The following GSN variants were observed in gnomAD, a reference collection of about 807,000 sequenced individuals.
GSN encodes the protein gelsolin.
In GSN, 56 loss-of-function variants were observed where a neutral mutation model predicts 85.7. The ratio of observed to expected loss-of-function variants is 0.65; its 90% CI spans 0.53 to 0.82. The LOEUF (loss-of-function observed/expected upper bound fraction) is 0.82, where lower values mean the gene tolerates loss of function less well. GSN is among the 40% of genes least tolerant of loss of function. The pLI, the probability that GSN is intolerant of heterozygous loss-of-function variation, is 0.00. For missense variants in GSN, 857 were observed against 979.8 expected (o/e 0.87, Z 1.67); for synonymous variants, 373 against 399.1 (o/e 0.93, Z 0.78).
intron 2 of GSN, among the ~76,000 whole-genome samples, chr9:121,286,984 G>T (rs1488913969): frequency 6.6e-6 from 1 of 152,144 alleles, no homozygotes; most frequent in Non-Finnish European, 1.5e-5. Flanking sequence ...GAGCATAGGA[G>T]GTGTTATTTG....
At chr9:121,278,694 C>T (rs2056966859) in intron 1 of GSN, among the ~76,000 whole-genome samples, 1 of 152,232 alleles carries the variant, frequency 6.6e-6, no homozygotes, top group Non-Finnish European at 1.5e-5. Context: ...CTCTTTATGG[C>T]TCCATCTGGA....
Position 121,329,182 on chromosome 9 carries a change from G to T in GSN, c.1888-56G>T, listed in dbSNP as rs2063606959. On this transcript the variant is annotated intron_variant, in intron 15 of 17. Transcript: ENST00000432226. The surrounding 1 kb of genome is among the most constrained non-coding windows in gnomAD (Gnocchi z 4.6). ...CCACTCCCTCAGGGGGCAGATAAAG[G>T]AAGGCCACCCAGGGGAGGGAAGACA... 2 of 1,497,248 alleles carry T rather than the reference G, an allele frequency of 1.3e-6. No homozygotes were observed. Among genetic ancestry groups the T allele is most frequent in the Non-Finnish European group, 1.9e-6 (2 of 1,074,544 alleles). The allele number at this position is 1,497,248 out of a possible 1,614,324, so 92.7% of individuals were successfully genotyped here.
upstream of GSN, among the ~76,000 whole-genome samples, chr9:121,266,829 A>G (rs1483358451): frequency 2.6e-5 from 4 of 152,156 alleles, no homozygotes; most frequent in Admixed American, 1.3e-4. Flanking sequence ...TGGTTCTTGT[A>G]TTTACTGGTG....
At chr9:121,292,659 TGG>T (rs2058805371) in intron 2 of GSN, among the ~76,000 whole-genome samples, 1 of 152,168 alleles carries the variant, frequency 6.6e-6, no homozygotes, top group African/African-American at 2.4e-5. Flanking sequence ...TCAAGTTCCC[TGG>T]TGGTAGGGAT....
chr9:121,247,010 A>G (rs1162883453), intron 5 of GSN, among the ~76,000 whole-genome samples: 2 of 152,154 alleles, frequency 1.3e-5, no homozygotes, highest in African/African-American at 2.4e-5. Flanking sequence ...TGGGAGGCAG[A>G]CAGAGCAATA....
At chr9:121,237,318 T>C (rs1683425942) in intron 5 of GSN, among the ~76,000 whole-genome samples, 1 of 152,134 alleles carries the variant, frequency 6.6e-6, no homozygotes, top group African/African-American at 2.4e-5. Context: ...TCACAACACT[T>C]TGGGAGGCCG....
intron 4 of GSN, among the ~76,000 whole-genome samples, chr9:121,304,127 C>T (rs1055790579): frequency 2.6e-5 from 4 of 152,248 alleles, no homozygotes; most frequent in African/African-American, 9.6e-5. Context: ...CTGTTCCTCT[C>T]TGGACCTCAG....
At chr9:121,215,219 C>A (rs1341431390) in intron 4 of GSN, among the ~76,000 whole-genome samples, 1 of 149,606 alleles carries the variant, frequency 6.7e-6, no homozygotes, top group South Asian at 2.2e-4. Flanking sequence ...TTAAGGACCC[C>A]CCCCCCCACA....
intron 4 of GSN, among the ~76,000 whole-genome samples, chr9:121,224,741 G>GAAAAAA (rs11374663): frequency 7.9e-5 from 9 of 114,338 alleles, no homozygotes; most frequent in Non-Finnish European, 1.4e-4. Context: ...TAGGCTACCT[G>GAAAAAA]AAAAAAAAAA....
chr9:121,224,741 G>GAAAA, intron 4 of GSN, among the ~76,000 whole-genome samples: 1 of 114,368 alleles, frequency 8.7e-6, no homozygotes, highest in African/African-American at 3.3e-5. Context: ...TAGGCTACCT[G>GAAAA]AAAAAAAAAA....
chr9:121,331,870 A>G (rs535446455), intron 17 of GSN: 10 of 192,882 alleles, frequency 5.2e-5, no homozygotes, highest in African/African-American at 2.3e-4. Flanking sequence ...CCCGGGCAAC[A>G]TAGTGAAACC....
chr9:121,249,213 C>T (rs939363559), intron 6 of GSN, among the ~76,000 whole-genome samples: 1 of 152,068 alleles, frequency 6.6e-6, no homozygotes, highest in Non-Finnish European at 1.5e-5. Context: ...AATCCCAGCA[C>T]TCTGGGAGGG....
upstream of GSN, among the ~76,000 whole-genome samples, chr9:121,266,547 T>C (rs529203785): frequency 5.3e-5 from 8 of 152,302 alleles, no homozygotes; most frequent in East Asian, 1.5e-3. Context: ...AAAGTGGAAC[T>C]GGGCAGAATT....
chr9:121,267,540 C>T (rs2055274167), upstream of GSN, among the ~76,000 whole-genome samples: 1 of 152,148 alleles, frequency 6.6e-6, no homozygotes, highest in Non-Finnish European at 1.5e-5. Flanking sequence ...GCTCGCTTGC[C>T]CAAAGTTACA....
In GSN at chr9:121,308,698, A is replaced by G. The variant is rs1304581903; in HGVS notation, c.352-1986A>G. 1.2e-4 allele frequency: 18 copies of G among 152,244 alleles called. 1 individual carries two copies. The highest frequency in any genetic ancestry group is 1.2e-3 in the Admixed American group (18 of 15,284). The allele number at this position is 152,244 out of a possible 1,614,324, so 9.4% of individuals were successfully genotyped here. A position where few individuals can be genotyped will look rare whatever the true frequency, so the allele number is the denominator to read the frequency against. On this transcript the variant is annotated intron_variant, in intron 4 of 17. Coordinates refer to ENST00000432226, the MANE Select transcript of GSN (RefSeq NM_198252.3). ...ACCTGATATTGAGAGAAGAATGTGG[A>G]TCTTACAGATTCAGACATGCCTGGG... is the stretch of plus-strand genomic sequence containing the variant.
At chr9:121,230,088 G>A (rs2054357676) in intron 4 of GSN, among the ~76,000 whole-genome samples, 1 of 152,100 alleles carries the variant, frequency 6.6e-6, no homozygotes, top group Non-Finnish European at 1.5e-5. Flanking sequence ...TTTTCATTTT[G>A]ATATTCAAAT....
chr9:121,226,201 A>G (rs564357374), intron 4 of GSN, among the ~76,000 whole-genome samples: 32 of 152,114 alleles, frequency 2.1e-4, no homozygotes, highest in Non-Finnish European at 4.1e-4. Flanking sequence ...TCCTCCATCA[A>G]TATTGGTTGG....
At chr9:121,306,828 T>C (rs1351227342) in intron 4 of GSN, among the ~76,000 whole-genome samples, 5 of 152,122 alleles carry the variant, frequency 3.3e-5, no homozygotes, top group African/African-American at 1.2e-4. Context: ...CCTAGACCAG[T>C]AAAATTAGAG....
rs376609534 is a variant in GSN, at chr9:121,213,430, GC to G, written c.-528+2565del. 4.6e-4 allele frequency among the ~76,000 whole-genome samples: 70 copies of G among 152,352 alleles called. 1 individual carries two copies. In the East Asian group the frequency reaches 0.012, roughly 25 times the overall value. ...AGGCCCATGCCAGGCCCTCTTGACT[GC>G]CAGAACTCCCAGCCTGTGGCTACTG... On this transcript the variant is annotated intron_variant, in intron 4 of 24. Transcript: ENST00000373823.
Sources: gnomAD v4.1 joint callset for allele counts (sites outside exome capture counted in the v4.1 genomes callset) on GRCh38, gnomAD v4.1.1 for gene constraint, Gnocchi (gnomAD v3.1) non-coding constraint, MANE v1.5 for transcripts, NCBI Gene and HGNC (gene_info 2026-07-23, HGNC 2026-07-21) for gene names.